LHFPL2: variants seen among roughly 807,000 people sequenced by gnomAD.
LHFPL2 encodes the protein LHFPL tetraspan subfamily member 2 protein.
Under a neutral mutation model 17.5 loss-of-function variants are expected in LHFPL2, and 7 were observed. The observed-to-expected ratio is 0.40, with a 90% CI of 0.23 to 0.75. LHFPL2 has a LOEUF of 0.75. LHFPL2 is among the 30% of genes least tolerant of loss of function. The probability of loss-of-function intolerance (pLI) is 0.37; values close to 1 mark genes in which losing one functional copy is unlikely to be tolerated. For synonymous variants in LHFPL2, 134 were observed against 116.2 expected, an observed-to-expected ratio of 1.15 and a Z score of -0.99; for missense variants, 241 against 294.8, an observed-to-expected ratio of 0.82 and a Z score of 1.34.
At chr5:78,552,074 T>C (rs1363334598) in intron 3 of LHFPL2, among the ~76,000 whole-genome samples, 4 of 152,186 alleles carry the variant, frequency 2.6e-5, no homozygotes, top group African/African-American at 7.2e-5. Context: ...CACTCGTGTA[T>C]ACGTGTTTAA....
intron 2 of LHFPL2, among the ~76,000 whole-genome samples, chr5:78,627,614 G>A (rs1056776563): frequency 6.6e-6 from 1 of 152,062 alleles, no homozygotes; most frequent in African/African-American, 2.4e-5. Context: ...AGGAGACCTC[G>A]GGCAAGTCAC....
At chr5:78,489,376 C>T (rs1466599684) in intron 4 of LHFPL2, among the ~76,000 whole-genome samples, 4 of 126,210 alleles carry the variant, frequency 3.2e-5, no homozygotes, top group African/African-American at 5.0e-5. Flanking sequence ...TGTGAATCCA[C>T]TAAAAATTTC....
intron 2 of LHFPL2, among the ~76,000 whole-genome samples, chr5:78,610,343 C>T (rs1744375662): frequency 1.3e-5 from 2 of 152,304 alleles, no homozygotes; most frequent in South Asian, 4.1e-4. Context: ...AACGTCTTCA[C>T]GAAAAGGTCT....
intron 4 of LHFPL2, among the ~76,000 whole-genome samples, chr5:78,490,770 A>G (rs1390693455): frequency 2.1e-5 from 3 of 141,362 alleles, no homozygotes; most frequent in African/African-American, 5.3e-5. Flanking sequence ...AAAAAGCAAG[A>G]TACTGCAAGA....
intron 3 of LHFPL2, among the ~76,000 whole-genome samples, chr5:78,533,036 T>G (rs1755832703): frequency 6.6e-6 from 1 of 152,116 alleles, no homozygotes; most frequent in Non-Finnish European, 1.5e-5. Context: ...CTCTCTCCTC[T>G]CCCTCTCTGA....
rs958831635 is a variant in LHFPL2 at position 78,555,783 on chromosome 5, C to T, written c.-186+9030G>A. Among the ~76,000 whole-genome samples the T allele has an allele frequency of 7.2e-5, 11 of 152,004 alleles. No individual in the cohort carries two copies. In the East Asian group the frequency reaches 1.5e-3, roughly 21 times the overall value. ...AGTGGGCTGGAAAAGCCAGAGGATG[C>T]GAAAAGGTAAGGGAGAAAAGGGGAC... On this transcript the variant is annotated intron_variant, in intron 3 of 4. Transcript: ENST00000380345.
At chr5:78,587,692 G>A (rs1390854060) in intron 2 of LHFPL2, among the ~76,000 whole-genome samples, 2 of 152,232 alleles carry the variant, frequency 1.3e-5, no homozygotes, top group Non-Finnish European at 2.9e-5. Flanking sequence ...ATCCTAAGAG[G>A]CTTTCAGTCA....
intron 3 of LHFPL2, among the ~76,000 whole-genome samples, chr5:78,514,924 C>T (rs1360064070): frequency 1.3e-5 from 2 of 152,204 alleles, no homozygotes; most frequent in Admixed American, 1.3e-4. Context: ...CATTTGTTAA[C>T]ATTTTCCCGT....
intron 4 of LHFPL2, among the ~76,000 whole-genome samples, chr5:78,502,007 AAAG>A (rs1426497685): frequency 2.0e-5 from 3 of 152,220 alleles, no homozygotes; most frequent in Non-Finnish European, 2.9e-5. Flanking sequence ...ATTAAAAAAA[AAAG>A]AAGCTTGCAT....
intron 3 of LHFPL2, among the ~76,000 whole-genome samples, chr5:78,532,730 C>T (rs528608810): frequency 2.6e-5 from 4 of 152,048 alleles, no homozygotes; most frequent in South Asian, 2.1e-4. Flanking sequence ...GAAATGCCAC[C>T]GAGATGCCAC....
chr5:78,644,609 G>C, intron 1 of LHFPL2: 1 of 429,872 alleles, frequency 2.3e-6, no homozygotes, highest in Non-Finnish European at 4.4e-6. Context: ...TCCCATTTAG[G>C]AAGGACATAG....
Position 78,648,592 on chromosome 5 carries a change from C to T in LHFPL2, c.-443G>A, listed in dbSNP as rs1162416808. ...CTCCTCGCAGCCACCTCGCTCTTGC[C>T]CCCGCTGGCCGCGCCTGGAAGAAGG... On this transcript the variant is annotated 5_prime_UTR_variant, in exon 1 of 5. Coordinates refer to ENST00000380345, the MANE Select transcript of LHFPL2 (RefSeq NM_005779.3). This position sits in a 1 kb window ranked among gnomAD's most constrained non-coding sequence, Gnocchi z 5.4. The T allele has an allele frequency of 2.0e-5, 3 of 152,124 alleles. No individual in the cohort carries two copies. Among genetic ancestry groups the T allele is most frequent in the African/African-American group, 7.2e-5 (3 of 41,384 alleles). The allele number at this position is 152,124 out of a possible 1,614,324, so 9.4% of individuals were successfully genotyped here.
At chr5:78,574,942 C>T (rs1049026828) in intron 2 of LHFPL2, among the ~76,000 whole-genome samples, 1 of 152,222 alleles carries the variant, frequency 6.6e-6, no homozygotes, top group Non-Finnish European at 1.5e-5. Flanking sequence ...GCTGTCAGAG[C>T]AGGAAGGACC....
chr5:78,544,494 A>G (rs959226746), intron 3 of LHFPL2, among the ~76,000 whole-genome samples: 1 of 152,218 alleles, frequency 6.6e-6, no homozygotes, highest in Admixed American at 6.5e-5. Context: ...GAAAACTAAT[A>G]GTGGCTTTCT....
chr5:78,628,017 A>G (rs932809080), intron 2 of LHFPL2, among the ~76,000 whole-genome samples: 1 of 152,086 alleles, frequency 6.6e-6, no homozygotes. Flanking sequence ...TATAGCAACT[A>G]ACCTCTCACT....
At chr5:78,595,493 C>G (rs1383312807) in intron 2 of LHFPL2, among the ~76,000 whole-genome samples, 2 of 152,170 alleles carry the variant, frequency 1.3e-5, no homozygotes, top group African/African-American at 4.8e-5. Context: ...CTGTTCAGGA[C>G]CAGGCTAGGA....
intron 4 of LHFPL2, among the ~76,000 whole-genome samples, chr5:78,497,075 C>A (rs1359823619): frequency 6.6e-6 from 1 of 152,232 alleles, no homozygotes; most frequent in Non-Finnish European, 1.5e-5. Flanking sequence ...AAAACCTGTT[C>A]TTCACCTTGT....
chr5:78,576,019 G>T (rs949669464), intron 2 of LHFPL2, among the ~76,000 whole-genome samples: 17 of 152,356 alleles, frequency 1.1e-4, no homozygotes, highest in African/African-American at 4.1e-4. Flanking sequence ...AATCTGGCCG[G>T]GCGCAGTGGC....
At chr5:78,501,955 A>T (rs1345116724) in intron 4 of LHFPL2, among the ~76,000 whole-genome samples, 1 of 152,182 alleles carries the variant, frequency 6.6e-6, no homozygotes, top group Non-Finnish European at 1.5e-5. Context: ...TTCAGAGACA[A>T]GCAAGAGAAA....
Sources: gnomAD v4.1 joint callset for allele counts (sites outside exome capture counted in the v4.1 genomes callset) on GRCh38, gnomAD v4.1.1 for gene constraint, Gnocchi (gnomAD v3.1) non-coding constraint, MANE v1.5 for transcripts, NCBI Gene and HGNC (gene_info 2026-07-23, HGNC 2026-07-21) for gene names.